KHDRBS3: variants seen among roughly 807,000 people sequenced by gnomAD.
KHDRBS3 encodes the protein KH RNA binding domain containing, signal transduction associated 3.
A neutral mutation model predicts 45.6 loss-of-function variants in KHDRBS3; 23 were observed. The observed-to-expected ratio is 0.50, with a 90% CI of 0.36 to 0.72. KHDRBS3 has a LOEUF of 0.72. Among genes scored for constraint, KHDRBS3 ranks in the 30% least tolerant of loss-of-function variants. The pLI, the probability that KHDRBS3 is intolerant of heterozygous loss-of-function variation, is 0.00. For missense variants in KHDRBS3, 352 were observed against 424.8 expected (o/e 0.83, Z 1.51); for synonymous variants, 162 against 156.5 (o/e 1.04, Z -0.26).
At chr8:135,571,322 C>A (rs1563776266) in intron 5 of KHDRBS3, among the ~76,000 whole-genome samples, 1 of 152,160 alleles carries the variant, frequency 6.6e-6, no homozygotes, top group Non-Finnish European at 1.5e-5. Flanking sequence ...CTCTCTCTTC[C>A]CTACCACACT....
At chr8:135,651,566 C>T (rs903228546), downstream of KHDRBS3, among the ~76,000 whole-genome samples, 2 of 152,230 alleles carry the variant, frequency 1.3e-5, no homozygotes, top group Non-Finnish European at 2.9e-5. Flanking sequence ...AAATTCAGTG[C>T]AACCATTTTC....
At chr8:135,606,667 T>C in intron 6 of KHDRBS3, among the ~76,000 whole-genome samples, 1 of 152,088 alleles carries the variant, frequency 6.6e-6, no homozygotes, top group Non-Finnish European at 1.5e-5. Flanking sequence ...ATTCAGCCAT[T>C]TAAAAAAAAG....
intron 1 of KHDRBS3, among the ~76,000 whole-genome samples, chr8:135,467,833 T>C (rs1821776985): frequency 6.6e-6 from 1 of 152,268 alleles, no homozygotes; most frequent in Non-Finnish European, 1.5e-5. Flanking sequence ...GGAGATACTT[T>C]AAGACTATGT....
chr8:135,567,757 C>T (rs1323903581), intron 5 of KHDRBS3, among the ~76,000 whole-genome samples: 1 of 152,214 alleles, frequency 6.6e-6, no homozygotes, highest in African/African-American at 2.4e-5. Context: ...TTATATATTC[C>T]ATGTGGCCTT....
At chr8:135,623,043 TGTCCCCA>T (rs1374392687) in intron 7 of KHDRBS3, among the ~76,000 whole-genome samples, 17 of 152,322 alleles carry the variant, frequency 1.1e-4, no homozygotes, top group African/African-American at 3.8e-4. Flanking sequence ...CCTTATTACA[TGTCCCCA>T]GTATTTCAAC....
rs945012452 is a variant in KHDRBS3, at chr8:135,626,384, A to G, written c.891-18675A>G. ...TGCTTAAAAATGAAAACCTGAGCCT[A>G]TAAAAGTAAATATGGCATTGCACAG... On this transcript the variant is annotated intron_variant, in intron 7 of 8. Transcript: ENST00000355849. Among the ~76,000 whole-genome samples the G allele has an allele frequency of 7.9e-5, 12 of 152,370 alleles. No individual in the cohort carries two copies. In the East Asian group the frequency reaches 2.1e-3, roughly 27 times the overall value.
At chr8:135,526,550 G>A (rs1206568418) in intron 2 of KHDRBS3, among the ~76,000 whole-genome samples, 2 of 152,140 alleles carry the variant, frequency 1.3e-5, no homozygotes, top group African/African-American at 2.4e-5. Flanking sequence ...CTAAGAAGAA[G>A]CTTTCATGCT....
chr8:135,527,018 A>T (rs936577351), intron 2 of KHDRBS3, among the ~76,000 whole-genome samples: 1 of 151,806 alleles, frequency 6.6e-6, no homozygotes, highest in Non-Finnish European at 1.5e-5. Context: ...CCAAATCAAC[A>T]TTGGAACAAG....
intron 7 of KHDRBS3, among the ~76,000 whole-genome samples, chr8:135,609,129 A>G (rs1252136318): frequency 6.6e-6 from 1 of 152,132 alleles, no homozygotes; most frequent in Non-Finnish European, 1.5e-5. Flanking sequence ...CTTCAATAGT[A>G]AATTAACCTT....
chr8:135,572,540 A>G (rs915827307), intron 5 of KHDRBS3, among the ~76,000 whole-genome samples: 1 of 152,214 alleles, frequency 6.6e-6, no homozygotes, highest in Non-Finnish European at 1.5e-5. Flanking sequence ...AACCTGCTTC[A>G]TAAAAGGGCT....
chr8:135,577,770 T>C (rs1273455008), intron 5 of KHDRBS3, among the ~76,000 whole-genome samples: 6 of 152,178 alleles, frequency 3.9e-5, no homozygotes, highest in Non-Finnish European at 7.3e-5. Context: ...AGAATACAAC[T>C]GCTAGATTGT....
chr8:135,483,232 C>T (rs1822676316), intron 1 of KHDRBS3, among the ~76,000 whole-genome samples: 1 of 152,220 alleles, frequency 6.6e-6, no homozygotes, highest in Non-Finnish European at 1.5e-5. Context: ...TTTATGGACT[C>T]TTTTCTTTTA....
intron 7 of KHDRBS3, among the ~76,000 whole-genome samples, chr8:135,637,844 T>C (rs1830882264): frequency 6.6e-6 from 1 of 152,166 alleles, no homozygotes; most frequent in South Asian, 2.1e-4. Flanking sequence ...TCAAATAATA[T>C]ATTTTGAGAA....
chr8:135,484,126 G>C (rs1326281909), intron 1 of KHDRBS3, among the ~76,000 whole-genome samples: 2 of 152,160 alleles, frequency 1.3e-5, no homozygotes, highest in African/African-American at 4.8e-5. Context: ...CCACCACAAA[G>C]AGTTAATGTG....
chr8:135,559,195 T>C (rs1827046218), intron 5 of KHDRBS3, among the ~76,000 whole-genome samples: 1 of 152,176 alleles, frequency 6.6e-6, no homozygotes, highest in South Asian at 2.1e-4. Context: ...CTAGATAAGG[T>C]AACCTTGTCT....
intron 6 of KHDRBS3, among the ~76,000 whole-genome samples, chr8:135,582,535 A>G (rs1434545692): frequency 6.6e-6 from 1 of 152,184 alleles, no homozygotes; most frequent in Non-Finnish European, 1.5e-5. Flanking sequence ...AAAGTTCTCT[A>G]TTTTCAATTA....
chr8:135,487,927 T>G (rs568716315), intron 1 of KHDRBS3, among the ~76,000 whole-genome samples: 1 of 152,352 alleles, frequency 6.6e-6, no homozygotes, highest in South Asian at 2.1e-4. Context: ...GATGATTAGA[T>G]CTTGTTACAC....
chr8:135,527,705 A>G (rs1299245597), intron 2 of KHDRBS3, among the ~76,000 whole-genome samples: 1 of 152,242 alleles, frequency 6.6e-6, no homozygotes, highest in Non-Finnish European at 1.5e-5. Context: ...GACATTAAAT[A>G]CGTTATATCT....
intron 7 of KHDRBS3, among the ~76,000 whole-genome samples, chr8:135,619,969 T>C (rs952752806): frequency 6.6e-6 from 1 of 152,168 alleles, no homozygotes; most frequent in African/African-American, 2.4e-5. Flanking sequence ...CCACCAAATA[T>C]AGCAATATTG....
Sources: gnomAD v4.1 joint callset for allele counts (sites outside exome capture counted in the v4.1 genomes callset) on GRCh38, gnomAD v4.1.1 for gene constraint, MANE v1.5 for transcripts, NCBI Gene and HGNC (gene_info 2026-07-23, HGNC 2026-07-21) for gene names.